The following SUGCT variants were observed in gnomAD, a reference collection of about 807,000 sequenced individuals.
The protein encoded by SUGCT is succinyl-CoA:glutarate CoA-transferase.
SUGCT carries 41 observed loss-of-function variants against 55.0 expected under a neutral mutation model. That is an observed-to-expected ratio of 0.74 (90% CI 0.58 to 0.97). The LOEUF (loss-of-function observed/expected upper bound fraction) is 0.97, where lower values mean the gene tolerates loss of function less well. Ranked by LOEUF, SUGCT falls within the 50% of genes least tolerant of loss-of-function variation. The probability of loss-of-function intolerance (pLI) is 0.00; values close to 1 mark genes in which losing one functional copy is unlikely to be tolerated. For synonymous variants in SUGCT, 187 were observed against 200.4 expected, an observed-to-expected ratio of 0.93 and a Z score of 0.56; for missense variants, 568 against 547.8, an observed-to-expected ratio of 1.04 and a Z score of -0.37.
intron 3 of SUGCT, 49 bp from the exon 4 acceptor site, chr7:40,188,446 A>C (rs764649732): frequency 2.0e-5 from 26 of 1,292,598 alleles, no homozygotes; most frequent in East Asian, 5.0e-5. Context: ...AAAAAAAAAA[A>C]AAAAAAAAAC....
intron 9 of SUGCT, among the ~76,000 whole-genome samples, chr7:40,357,335 T>A (rs561277646): frequency 6.6e-6 from 1 of 152,350 alleles, no homozygotes; most frequent in Admixed American, 6.5e-5. Context: ...TTAAAAAAAT[T>A]CATCTTCCAA....
At chr7:40,333,539 A>G (rs1171334930) in intron 9 of SUGCT, among the ~76,000 whole-genome samples, 2 of 144,330 alleles carry the variant, frequency 1.4e-5, no homozygotes, top group Non-Finnish European at 3.0e-5. Context: ...TGGGAGGGTG[A>G]GGCAGGAGAA....
chr7:40,497,875 T>C (rs1792071502), intron 12 of SUGCT, among the ~76,000 whole-genome samples: 1 of 151,706 alleles, frequency 6.6e-6, no homozygotes, highest in African/African-American at 2.4e-5. Flanking sequence ...TTTAAAAATA[T>C]ATTAAGTATA....
chr7:40,221,914 T>A (rs533002479), intron 6 of SUGCT, among the ~76,000 whole-genome samples: 1 of 152,402 alleles, frequency 6.6e-6, no homozygotes, highest in South Asian at 2.1e-4. Flanking sequence ...GTAAGATTTT[T>A]GTTTCCTGAA....
intron 12 of SUGCT, among the ~76,000 whole-genome samples, chr7:40,678,117 G>A (rs891394694): frequency 2.6e-5 from 4 of 152,182 alleles, no homozygotes; most frequent in Non-Finnish European, 5.9e-5. Context: ...TGTTCTCAGA[G>A]GTCAGACATC....
chr7:40,213,333 C>T (rs1320515015), intron 6 of SUGCT, among the ~76,000 whole-genome samples: 1 of 152,114 alleles, frequency 6.6e-6, no homozygotes, highest in Non-Finnish European at 1.5e-5. Context: ...TTGTCAGAGA[C>T]TTGTCAGATA....
intron 12 of SUGCT, among the ~76,000 whole-genome samples, chr7:40,613,307 C>T (rs931631065): frequency 1.3e-5 from 2 of 152,004 alleles, no homozygotes; most frequent in Non-Finnish European, 2.9e-5. Flanking sequence ...AAAAGGGGCA[C>T]GAAGTGAAGA....
intron 1 of SUGCT, among the ~76,000 whole-genome samples, chr7:40,160,741 A>T (rs185385279): frequency 6.6e-6 from 1 of 152,334 alleles, no homozygotes; most frequent in Non-Finnish European, 1.5e-5. Flanking sequence ...TAAAAAGAGC[A>T]GATTTAAAAG....
At chr7:40,945,246 C>T in the SUGCT span, among the ~76,000 whole-genome samples, 1 of 152,116 alleles carries the variant, frequency 6.6e-6, no homozygotes. Context: ...CACCTCAACT[C>T]CACTGCCAAG....
At chr7:40,329,090 G>A (rs1796169027) in intron 9 of SUGCT, among the ~76,000 whole-genome samples, 2 of 152,170 alleles carry the variant, frequency 1.3e-5, no homozygotes, top group Non-Finnish European at 2.9e-5. Flanking sequence ...TCCTAGGGGT[G>A]TCCAGTGCAA....
chr7:40,423,689 C>T (rs919254935), intron 9 of SUGCT, among the ~76,000 whole-genome samples: 33 of 151,996 alleles, frequency 2.2e-4, no homozygotes, highest in African/African-American at 8.0e-4. Context: ...CAATGTGTTG[C>T]TATCATAAAC....
At chr7:40,174,214 G>A (rs908568249) in intron 1 of SUGCT, among the ~76,000 whole-genome samples, 2 of 151,962 alleles carry the variant, frequency 1.3e-5, no homozygotes, top group African/African-American at 4.8e-5. Flanking sequence ...ATAGAGACGG[G>A]GTTTTGCCAT....
At chr7:41,005,110 G>A in the SUGCT span, among the ~76,000 whole-genome samples, 17 of 152,040 alleles carry the variant, frequency 1.1e-4, no homozygotes, top group South Asian at 2.1e-4. Flanking sequence ...TGTGATGTGC[G>A]CCTAACATGA....
At chr7:40,829,198 C>T (rs955193225) in intron 13 of SUGCT, among the ~76,000 whole-genome samples, 5 of 152,160 alleles carry the variant, frequency 3.3e-5, no homozygotes, top group Admixed American at 6.5e-5. Flanking sequence ...TCTGAATAAC[C>T]TACTCCTTAA....
At chr7:40,524,212 A>G (rs112996249) in intron 12 of SUGCT, among the ~76,000 whole-genome samples, 1 of 152,024 alleles carries the variant, frequency 6.6e-6, no homozygotes, top group African/African-American at 2.4e-5. Context: ...CTAGCTACTG[A>G]TTTTATATGT....
At chr7:40,720,708 C>T (rs1304805207) in intron 12 of SUGCT, among the ~76,000 whole-genome samples, 1 of 152,106 alleles carries the variant, frequency 6.6e-6, no homozygotes, top group Non-Finnish European at 1.5e-5. Flanking sequence ...AAAATAATAG[C>T]CTTTAGATGG....
chr7:40,988,102 A>G, the SUGCT span, among the ~76,000 whole-genome samples: 2 of 151,844 alleles, frequency 1.3e-5, no homozygotes, highest in African/African-American at 2.4e-5. Context: ...GGCATATGTA[A>G]TAGGCTCTCC....
At position 40,245,404 on chromosome 7, in the gene SUGCT, C is replaced by CATATATATATAT. The variant is rs202125224; in HGVS notation, c.576+7687_576+7698dup. 2.8e-3 allele frequency among the ~76,000 whole-genome samples: 149 copies of CATATATATATAT among 53,254 alleles called. 4 individuals are homozygous for CATATATATATAT. The highest frequency in any genetic ancestry group is 0.023 in the Middle Eastern group (2 of 86). 34.9% of individuals were successfully genotyped at this position (53,254 alleles called of 152,430 possible). A position where few individuals can be genotyped will look rare whatever the true frequency, so the allele number is the denominator to read the frequency against. On this transcript the variant is annotated intron_variant, in intron 7 of 13. Coordinates refer to ENST00000335693, the MANE Select transcript of SUGCT (RefSeq NM_001193313.2). ...TAAATTTTTATAGGTACGTAGTAGACATATATATATATATATATATTTTTT... is the reference window on the plus strand; with the variant it reads ...TAAATTTTTATAGGTACGTAGTAGACATATATATATATATATATATATATATATATATTTTTT...
intron 12 of SUGCT, among the ~76,000 whole-genome samples, chr7:40,514,185 A>G (rs569628614): frequency 6.6e-6 from 1 of 152,160 alleles, no homozygotes; most frequent in South Asian, 2.1e-4. Flanking sequence ...ATAGAAAAGA[A>G]GATGCCTTAA....
Sources: allele counts gnomAD v4.1 joint callset (sites outside exome capture counted in the v4.1 genomes callset), GRCh38; gene constraint gnomAD v4.1.1; transcripts MANE v1.5; gene names NCBI Gene and HGNC (gene_info 2026-07-23, HGNC 2026-07-21).